The following NLGN1 variants were observed in gnomAD, a reference collection of about 807,000 sequenced individuals.
The protein encoded by NLGN1 is neuroligin-1.
In NLGN1, 12 loss-of-function variants were observed where a neutral mutation model predicts 65.5. That is an observed-to-expected ratio of 0.18 (90% CI 0.12 to 0.30). NLGN1 has a LOEUF of 0.30. NLGN1 is among the 10% of genes least tolerant of loss of function. NLGN1 has a pLI of 1.00. For missense variants in NLGN1, 750 were observed against 1,007.1 expected, an observed-to-expected ratio of 0.74 and a Z score of 3.46; for synonymous variants, 350 against 359.5, an observed-to-expected ratio of 0.97 and a Z score of 0.30.
intron 4 of NLGN1, among the ~76,000 whole-genome samples, chr3:173,906,878 CAAAA>C (rs1224471514): frequency 1.1e-5 from 1 of 88,268 alleles, no homozygotes; most frequent in Non-Finnish European, 2.4e-5. Flanking sequence ...CAAACAAAAA[CAAAA>C]AAAAAAAAAA....
intron 4 of NLGN1, among the ~76,000 whole-genome samples, chr3:174,255,939 G>A (rs555001523): frequency 1.1e-4 from 16 of 152,070 alleles, no homozygotes; most frequent in Middle Eastern, 3.2e-3. Context: ...GATTACAGGC[G>A]TGAGCCACTG....
intron 2 of NLGN1, among the ~76,000 whole-genome samples, chr3:173,600,573 G>T (rs1750329880): frequency 3.7e-5 from 1 of 26,932 alleles, no homozygotes; most frequent in African/African-American, 7.2e-5. Flanking sequence ...AACAAAGCAA[G>T]GTAGAAATAA....
chr3:174,023,396 G>T (rs1728162588), intron 4 of NLGN1, among the ~76,000 whole-genome samples: 2 of 152,150 alleles, frequency 1.3e-5, no homozygotes, highest in African/African-American at 4.8e-5. Flanking sequence ...CTTTTTGGTA[G>T]TCATAGGAAC....
chr3:174,092,204 C>T (rs1744652833), intron 4 of NLGN1, among the ~76,000 whole-genome samples: 1 of 152,160 alleles, frequency 6.6e-6, no homozygotes, highest in Non-Finnish European at 1.5e-5. Context: ...TAAGACGGTA[C>T]TGAACTGGTG....
intron 3 of NLGN1, among the ~76,000 whole-genome samples, chr3:173,624,834 T>C (rs1229603585): frequency 2.9e-5 from 2 of 69,926 alleles, no homozygotes; most frequent in African/African-American, 8.1e-5. Flanking sequence ...TGACGATTTA[T>C]AATTGTTTTT....
intron 4 of NLGN1, among the ~76,000 whole-genome samples, chr3:174,239,723 A>G (rs1163878298): frequency 2.0e-5 from 3 of 152,190 alleles, no homozygotes; most frequent in African/African-American, 2.4e-5. Context: ...CAGAGTGTAC[A>G]CCAATCAGCT....
intron 4 of NLGN1, among the ~76,000 whole-genome samples, chr3:174,084,236 A>T (rs567923642): frequency 2.2e-4 from 34 of 152,216 alleles, no homozygotes; most frequent in South Asian, 1.0e-3. Context: ...ACAATTTTTT[A>T]AAAAAAGAGT....
At chr3:174,269,882 T>G (rs1350063373) in intron 4 of NLGN1, among the ~76,000 whole-genome samples, 2 of 151,952 alleles carry the variant, frequency 1.3e-5, no homozygotes, top group Non-Finnish European at 2.9e-5. Flanking sequence ...TGAGGGGATA[T>G]CACAGTGTGG....
At chr3:173,940,215 A>T (rs562628801) in intron 4 of NLGN1, among the ~76,000 whole-genome samples, 4 of 150,256 alleles carry the variant, frequency 2.7e-5, no homozygotes, top group Non-Finnish European at 5.9e-5. Context: ...CAGCCTCCTG[A>T]ATAGCTGGGA....
At chr3:173,712,031 A>G (rs1769073449) in intron 3 of NLGN1, among the ~76,000 whole-genome samples, 1 of 152,218 alleles carries the variant, frequency 6.6e-6, no homozygotes, top group African/African-American at 2.4e-5. Context: ...AAATCTACAG[A>G]GTATTGGGTT....
chr3:174,259,069 A>G (rs937887507), intron 4 of NLGN1, among the ~76,000 whole-genome samples: 1 of 152,190 alleles, frequency 6.6e-6, no homozygotes, highest in Non-Finnish European at 1.5e-5. Flanking sequence ...AATAAATACC[A>G]GGTTTTCCTA....
At chr3:173,898,825 T>A (rs1736810904) in intron 4 of NLGN1, among the ~76,000 whole-genome samples, 1 of 152,104 alleles carries the variant, frequency 6.6e-6, no homozygotes, top group African/African-American at 2.4e-5. Flanking sequence ...CAAAGAGACC[T>A]CATAAACTAC....
At chr3:173,820,136 G>T (rs1247171785) in intron 4 of NLGN1, among the ~76,000 whole-genome samples, 2 of 147,830 alleles carry the variant, frequency 1.4e-5, no homozygotes, top group Admixed American at 1.4e-4. Context: ...CGGAGATGGC[G>T]CCACTGCACT....
intron 2 of NLGN1, among the ~76,000 whole-genome samples, chr3:173,464,377 C>G (rs1446601176): frequency 6.6e-6 from 1 of 151,972 alleles, no homozygotes; most frequent in Admixed American, 6.6e-5. Context: ...TAATATTTAC[C>G]ACTATTTTGT....
chr3:174,117,226 A>C (rs974417896), intron 4 of NLGN1, among the ~76,000 whole-genome samples: 1 of 151,986 alleles, frequency 6.6e-6, no homozygotes, highest in African/African-American at 2.4e-5. Context: ...AAAAAAAAAA[A>C]AACTGGTTCA....
At chr3:174,226,790 A>G (rs1739799862) in intron 4 of NLGN1, among the ~76,000 whole-genome samples, 1 of 152,176 alleles carries the variant, frequency 6.6e-6, no homozygotes, top group Non-Finnish European at 1.5e-5. Context: ...TTCCTTTGTG[A>G]ATACTCTCCC....
chr3:173,934,504 C>A (rs1744698365), intron 4 of NLGN1, among the ~76,000 whole-genome samples: 1 of 151,756 alleles, frequency 6.6e-6, no homozygotes, highest in East Asian at 1.9e-4. Flanking sequence ...GGATAAAACT[C>A]AAATGGTGAC....
intron 3 of NLGN1, among the ~76,000 whole-genome samples, chr3:173,704,195 A>G (rs1304118274): frequency 4.6e-5 from 7 of 152,214 alleles, no homozygotes; most frequent in Admixed American, 4.6e-4. Context: ...CAAAGTTGTT[A>G]TAAGTGTGGC....
At chr3:173,657,811 A>G (rs551152803) in intron 3 of NLGN1, among the ~76,000 whole-genome samples, 1 of 151,982 alleles carries the variant, frequency 6.6e-6, no homozygotes, top group Non-Finnish European at 1.5e-5. Context: ...AATGGATATT[A>G]ATTTTGAAGA....
Sources: allele counts gnomAD v4.1 joint callset (sites outside exome capture counted in the v4.1 genomes callset), GRCh38; gene constraint gnomAD v4.1.1; transcripts MANE v1.5; gene names NCBI Gene and HGNC (gene_info 2026-07-23, HGNC 2026-07-21).